Variants in RAP1A observed in about 807,000 individuals in gnomAD.
The protein encoded by RAP1A is RAP1A, member of RAS oncogene family.
A neutral mutation model predicts 26.4 loss-of-function variants in RAP1A; 6 were observed. The observed-to-expected ratio is 0.23, with a 90% CI of 0.12 to 0.45. The LOEUF (loss-of-function observed/expected upper bound fraction) is 0.45, where lower values mean the gene tolerates loss of function less well. RAP1A is among the 20% of genes least tolerant of loss of function. RAP1A has a pLI of 0.99. For missense variants in RAP1A, 121 were observed against 217.2 expected, an observed-to-expected ratio of 0.56 and a Z score of 2.78; for synonymous variants, 73 against 79.4, an observed-to-expected ratio of 0.92 and a Z score of 0.43.
intron 1 of RAP1A, among the ~76,000 whole-genome samples, chr1:111,671,445 G>A (rs1367881686): frequency 1.3e-5 from 2 of 152,142 alleles, no homozygotes; most frequent in African/African-American, 2.4e-5. Flanking sequence ...TTTGCCTCAT[G>A]TAAGTCAAGT....
chr1:111,677,936 C>T (rs1347269129), intron 1 of RAP1A, among the ~76,000 whole-genome samples: 1 of 152,142 alleles, frequency 6.6e-6, no homozygotes, highest in Non-Finnish European at 1.5e-5. Context: ...TCACAATATA[C>T]CTTTATTAAA....
intron 1 of RAP1A, chr1:111,564,087 C>T (rs1657856193): frequency 1.5e-5 from 9 of 607,492 alleles, no homozygotes; most frequent in Admixed American, 2.7e-5. Flanking sequence ...ACTCATAAAG[C>T]CTTAAGCTCC....
chr1:111,633,470 G>A (rs751924891), intron 1 of RAP1A, among the ~76,000 whole-genome samples: 2 of 152,198 alleles, frequency 1.3e-5, no homozygotes, highest in Non-Finnish European at 2.9e-5. Flanking sequence ...TGATTTGGGA[G>A]GGAGAATCTT....
intron 1 of RAP1A, among the ~76,000 whole-genome samples, chr1:111,688,096 G>A (rs79750178): frequency 0.09 from 7,482 of 83,300 alleles, 238 homozygotes; most frequent in South Asian, 0.16. Context: ...TTTGCCTCCA[G>A]CTTTTTTTTT....
At chr1:111,638,615 AG>A (rs1345312220) in intron 1 of RAP1A, among the ~76,000 whole-genome samples, 1 of 152,082 alleles carries the variant, frequency 6.6e-6, no homozygotes, top group Admixed American at 6.6e-5. Flanking sequence ...TTGTAGAGAC[AG>A]TGCTTTGCTG....
intron 1 of RAP1A, among the ~76,000 whole-genome samples, chr1:111,620,481 G>A (rs912130323): frequency 1.3e-5 from 2 of 152,232 alleles, no homozygotes; most frequent in African/African-American, 4.8e-5. Flanking sequence ...GGAGGGTTGG[G>A]TGAATTCTCT....
At chr1:111,648,699 G>T in intron 1 of RAP1A, 1 of 562,990 alleles carries the variant, frequency 1.8e-6, no homozygotes, top group Non-Finnish European at 3.3e-6. Context: ...CTCTGTGAGC[G>T]TCATCTTAGC....
chr1:111,582,134 G>C (rs1470816431), intron 1 of RAP1A, among the ~76,000 whole-genome samples: 1 of 152,196 alleles, frequency 6.6e-6, no homozygotes, highest in African/African-American at 2.4e-5. Flanking sequence ...ATGATGAGCA[G>C]GAATTTGCAA....
At chr1:111,557,624 G>A (rs2789528) in intron 1 of RAP1A, among the ~76,000 whole-genome samples, 3,884 of 151,868 alleles carry the variant, frequency 0.026, 118 homozygotes, top group East Asian at 0.089. Context: ...TTTACTAATA[G>A]ACCCAAATGA....
In RAP1A at chr1:111,715,386, A is replaced by G. The variant is rs1571583183; in HGVS notation, c.*2985A>G. 6.6e-6 allele frequency: 1 copy of G among 151,324 alleles called. No individual in the cohort carries two copies. Among genetic ancestry groups the G allele is most frequent in the African/African-American group, 2.5e-5 (1 of 40,764 alleles). 9.4% of individuals were successfully genotyped at this position (151,324 alleles called of 1,614,324 possible). A position where few individuals can be genotyped will look rare whatever the true frequency, so the allele number is the denominator to read the frequency against. ...AGCCACCGCGCCTGGCCCGGTTAAT[A>G]CTTTCATAAGCATTGAAGTAACTAT... On this transcript the variant is annotated 3_prime_UTR_variant, in exon 8 of 8. Transcript: ENST00000369709.
chr1:111,583,483 TAC>T (rs985885886), intron 1 of RAP1A, among the ~76,000 whole-genome samples: 2 of 137,616 alleles, frequency 1.5e-5, no homozygotes, highest in African/African-American at 5.7e-5. Flanking sequence ...AAAAAAAAAA[TAC>T]AGTCAGTTTA....
intron 5 of RAP1A, among the ~76,000 whole-genome samples, chr1:111,703,976 A>AT (rs1040536051): frequency 2.7e-4 from 41 of 151,994 alleles, no homozygotes; most frequent in African/African-American, 9.9e-4. Flanking sequence ...TTGTTTTTGA[A>AT]TTTTTTAGTA....
At chr1:111,688,301 A>G (rs372586323) in intron 1 of RAP1A, among the ~76,000 whole-genome samples, 145 of 122,646 alleles carry the variant, frequency 1.2e-3, no homozygotes, top group Admixed American at 1.8e-3. Flanking sequence ...GTGTGTGTGT[A>G]TATATATTTT....
intron 1 of RAP1A, among the ~76,000 whole-genome samples, chr1:111,655,658 CTTTTTTTTT>C (rs34266778): frequency 5.6e-4 from 48 of 85,160 alleles, no homozygotes; most frequent in Middle Eastern, 9.3e-3. Flanking sequence ...TGTTCATAGT[CTTTTTTTTT>C]TTTTTTTTTT....
At chr1:111,563,023 T>C (rs74112344) in intron 1 of RAP1A, among the ~76,000 whole-genome samples, 4 of 152,136 alleles carry the variant, frequency 2.6e-5, no homozygotes, top group African/African-American at 9.7e-5. Flanking sequence ...TATTATAATG[T>C]CAATATTGTG....
intron 1 of RAP1A, among the ~76,000 whole-genome samples, chr1:111,556,474 C>G (rs1166101621): frequency 1.3e-5 from 2 of 152,186 alleles, no homozygotes; most frequent in African/African-American, 4.8e-5. Flanking sequence ...GCATTACTCA[C>G]AGTTGCCATA....
intron 1 of RAP1A, among the ~76,000 whole-genome samples, chr1:111,566,119 C>T (rs1035551123): frequency 6.6e-6 from 1 of 152,010 alleles, no homozygotes; most frequent in Non-Finnish European, 1.5e-5. Context: ...GGAATTTGAA[C>T]TTCATTGTGA....
chr1:111,546,176 T>G (rs187293814), intron 1 of RAP1A, among the ~76,000 whole-genome samples: 1 of 152,318 alleles, frequency 6.6e-6, no homozygotes, highest in Admixed American at 6.5e-5. Context: ...GTTTGAATTT[T>G]TATAAGTTTT....
At position 111,619,890 on chromosome 1, in the gene RAP1A, A is replaced by C; in HGVS notation, c.-72A>C. 5.7e-6 allele frequency: 1 copy of C among 174,296 alleles called. No individual in the cohort carries two copies. The highest frequency in any genetic ancestry group is 1.1e-4 in the East Asian group (1 of 9,214). 10.8% of individuals were successfully genotyped at this position (174,296 alleles called of 1,614,324 possible). ...GAGAGGAGGGAGGAGGAGGAGGAGG[A>C]GGTGGAGGAGGTGGAGGAGGTGGAG... is the stretch of plus-strand genomic sequence containing the variant. On this transcript the variant is annotated 5_prime_UTR_variant, in exon 1 of 8. Coordinates refer to ENST00000369709, the MANE Select transcript of RAP1A (RefSeq NM_002884.4).
Sources: gnomAD v4.1 joint callset for allele counts (sites outside exome capture counted in the v4.1 genomes callset) on GRCh38, gnomAD v4.1.1 for gene constraint, MANE v1.5 for transcripts, NCBI Gene and HGNC (gene_info 2026-07-23, HGNC 2026-07-21) for gene names.